Variants in PTPRG observed in about 807,000 individuals in gnomAD.
The protein encoded by PTPRG is receptor-type tyrosine-protein phosphatase gamma.
In PTPRG, 102 loss-of-function variants were observed where a neutral mutation model predicts 165.3. That is an observed-to-expected ratio of 0.62 (90% confidence interval 0.53 to 0.73). PTPRG has a LOEUF of 0.73. PTPRG is among the 30% of genes least tolerant of loss of function. The pLI is 0.00. For missense variants in PTPRG, 1,866 were observed against 1,861.4 expected (o/e 1.00, Z -0.05); for synonymous variants, 675 against 669.5 (o/e 1.01, Z -0.13).
At chr3:61,742,422 T>TTTTAAATGGTAA in intron 1 of PTPRG, 1 of 1,316,850 alleles carries the variant, frequency 7.6e-7, no homozygotes, top group Non-Finnish European at 1.0e-6. Context: ...TTTTTTTTTT[T>TTTTAAATGGTAA]TGAACTGGTA....
At chr3:61,897,497 A>C (rs1423033753) in intron 2 of PTPRG, among the ~76,000 whole-genome samples, 1 of 152,180 alleles carries the variant, frequency 6.6e-6, no homozygotes, top group African/African-American at 2.4e-5. Flanking sequence ...ATAGCTGTAC[A>C]GTAAGTCAAT....
intron 13 of PTPRG, among the ~76,000 whole-genome samples, chr3:62,226,719 T>C (rs909962346): frequency 6.6e-6 from 1 of 152,172 alleles, no homozygotes; most frequent in African/African-American, 2.4e-5. Flanking sequence ...CCCAGGTTTG[T>C]TAAAATTTGG....
At chr3:61,706,111 T>A (rs1362320683) in intron 1 of PTPRG, among the ~76,000 whole-genome samples, 2 of 152,152 alleles carry the variant, frequency 1.3e-5, no homozygotes, top group Non-Finnish European at 2.9e-5. Flanking sequence ...CAGGATTAAA[T>A]GCTTGCCATC....
chr3:61,921,333 A>T (rs989788584), intron 2 of PTPRG, among the ~76,000 whole-genome samples: 5 of 152,244 alleles, frequency 3.3e-5, no homozygotes, highest in African/African-American at 1.2e-4. Flanking sequence ...TCGAAGTAAG[A>T]TGATGACAGA....
chr3:61,953,413 C>T (rs2107628392), intron 2 of PTPRG, among the ~76,000 whole-genome samples: 1 of 152,300 alleles, frequency 6.6e-6, no homozygotes, highest in Non-Finnish European at 1.5e-5. Context: ...TTGACTTTGT[C>T]CCTTGGTATT....
chr3:62,031,595 G>A (rs927209532), intron 4 of PTPRG, among the ~76,000 whole-genome samples: 9 of 152,190 alleles, frequency 5.9e-5, no homozygotes, highest in African/African-American at 1.7e-4. Flanking sequence ...GTAGATGACC[G>A]GGAATGGGGA....
chr3:61,941,495 T>C (rs9863837), intron 2 of PTPRG, among the ~76,000 whole-genome samples: 54,513 of 151,988 alleles, frequency 0.36, 11,361 homozygotes, highest in African/African-American at 0.56. Flanking sequence ...TGGCGGTGCA[T>C]GCCTGTAGCC....
chr3:61,587,838 A>G (rs1336392842), intron 1 of PTPRG, among the ~76,000 whole-genome samples: 1 of 151,802 alleles, frequency 6.6e-6, no homozygotes. Flanking sequence ...TAAAATTTAT[A>G]TTTGTAGAGG....
chr3:61,979,455 G>C (rs2040588336), intron 2 of PTPRG, among the ~76,000 whole-genome samples: 1 of 152,148 alleles, frequency 6.6e-6, no homozygotes, highest in African/African-American at 2.4e-5. Flanking sequence ...CATGGGCCTT[G>C]CACTAGGAAG....
At chr3:62,275,300 T>C (rs1702195437) in intron 23 of PTPRG, among the ~76,000 whole-genome samples, 1 of 152,068 alleles carries the variant, frequency 6.6e-6, no homozygotes, top group South Asian at 2.1e-4. Flanking sequence ...TCGTAATCAA[T>C]AGCATTAAGC....
intron 4 of PTPRG, among the ~76,000 whole-genome samples, chr3:62,026,041 G>A (rs751945263): frequency 6.6e-6 from 1 of 152,180 alleles, no homozygotes; most frequent in Non-Finnish European, 1.5e-5. Flanking sequence ...TGCGACCTAG[G>A]CATTAAAGTA....
intron 1 of PTPRG, among the ~76,000 whole-genome samples, chr3:61,628,213 T>A (rs1701666131): frequency 6.6e-6 from 1 of 152,210 alleles, no homozygotes; most frequent in Admixed American, 6.5e-5. Context: ...TGTGGCTCTT[T>A]TGTTTAACTT....
chr3:61,816,232 C>A (rs1354290104), intron 2 of PTPRG, among the ~76,000 whole-genome samples: 1 of 152,098 alleles, frequency 6.6e-6, no homozygotes, highest in Admixed American at 6.6e-5. Context: ...AACAGAATTT[C>A]AAAAACCCAG....
At chr3:62,285,444 A>G (rs1702607473) in intron 28 of PTPRG, among the ~76,000 whole-genome samples, 1 of 127,766 alleles carries the variant, frequency 7.8e-6, no homozygotes, top group African/African-American at 3.0e-5. Flanking sequence ...TTGAACTTTT[A>G]GTGTGCAAAT....
intron 16 of PTPRG, among the ~76,000 whole-genome samples, chr3:62,259,460 G>A (rs1467962992): frequency 6.6e-6 from 1 of 152,196 alleles, no homozygotes; most frequent in Non-Finnish European, 1.5e-5. Context: ...TTTGTGTTGG[G>A]CTGCTTTCAA....
intron 2 of PTPRG, among the ~76,000 whole-genome samples, chr3:61,980,257 C>T (rs754698932): frequency 1.3e-5 from 2 of 152,194 alleles, no homozygotes; most frequent in African/African-American, 2.4e-5. Flanking sequence ...CTCAGCAAGT[C>T]TTTCCCACAT....
At chr3:61,830,566 G>GTTTTT (rs57644199) in intron 2 of PTPRG, among the ~76,000 whole-genome samples, 18 of 86,522 alleles carry the variant, frequency 2.1e-4, no homozygotes, top group Non-Finnish European at 2.7e-4. Flanking sequence ...TTTTGTTTTT[G>GTTTTT]TTTTTTTTTT....
chr3:61,873,636 AAAAT>A (rs1380498105), intron 2 of PTPRG, among the ~76,000 whole-genome samples: 3 of 152,104 alleles, frequency 2.0e-5, no homozygotes, highest in African/African-American at 7.2e-5. Context: ...ATTTTTGAGG[AAAAT>A]AAATTGGTAA....
intron 2 of PTPRG, chr3:61,751,093 A>T (rs889507837): frequency 3.9e-5 from 6 of 152,242 alleles, no homozygotes; most frequent in South Asian, 2.1e-4. Context: ...TATGCTTGCA[A>T]CAGTTCTTCC....
Sources: gnomAD v4.1 joint callset for allele counts (sites outside exome capture counted in the v4.1 genomes callset) on GRCh38, gnomAD v4.1.1 for gene constraint, MANE v1.5 for transcripts, NCBI Gene and HGNC (gene_info 2026-07-23, HGNC 2026-07-21) for gene names.